The following GRIN2B variants were observed in gnomAD, a reference collection of about 807,000 sequenced individuals.
The protein encoded by GRIN2B is glutamate ionotropic receptor NMDA type subunit 2B.
In GRIN2B, 5 loss-of-function variants were observed where a neutral mutation model predicts 114.5. The ratio of observed to expected loss-of-function variants is 0.04; its 90% CI spans 0.02 to 0.09. GRIN2B has a LOEUF of 0.09. GRIN2B is among the 10% of genes least tolerant of loss of function. GRIN2B has a pLI of 1.00. For missense variants in GRIN2B, 1,108 were observed against 1,943.5 expected, an observed-to-expected ratio of 0.57 and a Z score of 8.08; for synonymous variants, 787 against 745.1, an observed-to-expected ratio of 1.06 and a Z score of -0.92.
intron 3 of GRIN2B, among the ~76,000 whole-genome samples, chr12:13,791,714 A>G (rs1201434861): frequency 6.6e-6 from 1 of 152,218 alleles, no homozygotes; most frequent in African/African-American, 2.4e-5. Flanking sequence ...TTATATGTAC[A>G]TATTTTAAGG....
At position 13,553,809 on chromosome 12, in the gene GRIN2B, CA is replaced by C. The variant is rs1405063331; in HGVS notation, c.*8973del. Reference sequence around the variant, plus strand: ...GAAAAGCTGATACCTAAAATTTGATCAATATCCTTCATAGTTTCTCCCTCTG... The same window carrying C: ...GAAAAGCTGATACCTAAAATTTGATCATATCCTTCATAGTTTCTCCCTCTG... On this transcript the variant is annotated 3_prime_UTR_variant, in exon 14 of 14. Transcript: ENST00000609686. 6.6e-6 allele frequency: 1 copy of C among 152,214 alleles called. No individual in the cohort carries two copies. The highest frequency in any genetic ancestry group is 1.5e-5 in the Non-Finnish European group (1 of 68,030). 9.4% of individuals were successfully genotyped at this position (152,214 alleles called of 1,614,324 possible).
chr12:13,679,815 G>A (rs1022467013), intron 4 of GRIN2B, among the ~76,000 whole-genome samples: 3 of 152,132 alleles, frequency 2.0e-5, no homozygotes, highest in African/African-American at 7.2e-5. Flanking sequence ...GTCACTTCTA[G>A]ACATGTGATC....
In GRIN2B at chr12:13,547,981, A is replaced by ATATATATATATATATATTTTTT; in HGVS notation, c.*14801_*14802insAAAAAATATATATATATATATA. 1.5e-5 allele frequency: 1 copy of ATATATATATATATATATTTTTT among 68,592 alleles called. No homozygotes were observed. The highest frequency in any genetic ancestry group is 4.6e-5 in the African/African-American group (1 of 21,782). 4.2% of individuals were successfully genotyped at this position (68,592 alleles called of 1,614,324 possible). A position where few individuals can be genotyped will look rare whatever the true frequency, so the allele number is the denominator to read the frequency against. On this transcript the variant is annotated 3_prime_UTR_variant, in exon 14 of 14. Coordinates refer to ENST00000609686, the MANE Select transcript of GRIN2B (RefSeq NM_000834.5). Reference sequence around the variant, plus strand: ...TGTGTATATATATATATATATATATATTTTTTTTTTTTTTCTGAAAGCTAC... The same window carrying ATATATATATATATATATTTTTT: ...TGTGTATATATATATATATATATATATATATATATATATATATTTTTTTTTTTTTTTTTTTTCTGAAAGCTAC...
chr12:13,638,193 G>T (rs541181975), intron 5 of GRIN2B, among the ~76,000 whole-genome samples: 1 of 152,060 alleles, frequency 6.6e-6, no homozygotes, highest in Non-Finnish European at 1.5e-5. Context: ...AATGGTTTAA[G>T]TACACAAGAG....
chr12:13,766,091 GTTC>G (rs1200239026), intron 3 of GRIN2B, among the ~76,000 whole-genome samples: 2 of 152,148 alleles, frequency 1.3e-5, no homozygotes, highest in African/African-American at 4.8e-5. Context: ...ACTCTGCAGT[GTTC>G]TTCTACTGGA....
At chr12:13,771,482 A>AT (rs1224875917) in intron 3 of GRIN2B, among the ~76,000 whole-genome samples, 2 of 152,188 alleles carry the variant, frequency 1.3e-5, no homozygotes, top group Non-Finnish European at 2.9e-5. Flanking sequence ...TATTGCTGCT[A>AT]TAAAAAAAAA....
Position 13,547,981 on chromosome 12 carries a change from A to ATATATATTTTTTTTTTTTTTT in GRIN2B, c.*14801_*14802insAAAAAAAAAAAAAAATATATA. Reference sequence around the variant, plus strand: ...TGTGTATATATATATATATATATATATTTTTTTTTTTTTTCTGAAAGCTAC... The same window carrying ATATATATTTTTTTTTTTTTTT: ...TGTGTATATATATATATATATATATATATATATTTTTTTTTTTTTTTTTTTTTTTTTTTTTCTGAAAGCTAC... On this transcript the variant is annotated 3_prime_UTR_variant, in exon 14 of 14. Coordinates refer to ENST00000609686, the MANE Select transcript of GRIN2B (RefSeq NM_000834.5). 1.5e-5 allele frequency: 1 copy of ATATATATTTTTTTTTTTTTTT among 68,594 alleles called. No homozygotes were observed. Among genetic ancestry groups the ATATATATTTTTTTTTTTTTTT allele is most frequent in the Non-Finnish European group, 2.9e-5 (1 of 34,400 alleles). The allele number at this position is 68,594 out of a possible 1,614,324, so 4.2% of individuals were successfully genotyped here. A position where few individuals can be genotyped will look rare whatever the true frequency, so the allele number is the denominator to read the frequency against.
chr12:13,978,500 TACTG>T (rs1863070061), intron 2 of GRIN2B, among the ~76,000 whole-genome samples: 1 of 152,248 alleles, frequency 6.6e-6, no homozygotes, highest in South Asian at 2.1e-4. Flanking sequence ...AACTATCATC[TACTG>T]TCATGTTGAG....
In GRIN2B at chr12:13,558,645, C is replaced by T. The variant is rs936035753; in HGVS notation, c.*4138G>A. 4 of 152,192 alleles carry T rather than the reference C, an allele frequency of 2.6e-5. No homozygotes were observed. Among genetic ancestry groups the T allele is most frequent in the Non-Finnish European group, 4.4e-5 (3 of 68,028 alleles). The allele number at this position is 152,192 out of a possible 1,614,324, so 9.4% of individuals were successfully genotyped here. ...CTCCTACTGTATCATGTCATACATG[C>T]GTTTTTGGCACTACTGACACCAGCA... On this transcript the variant is annotated 3_prime_UTR_variant, in exon 14 of 14. Coordinates refer to ENST00000609686, the MANE Select transcript of GRIN2B (RefSeq NM_000834.5).
chr12:13,665,175 G>A (rs920945320), intron 5 of GRIN2B, among the ~76,000 whole-genome samples: 12 of 151,250 alleles, frequency 7.9e-5, no homozygotes, highest in African/African-American at 2.7e-4. Flanking sequence ...GTTTGTGTGT[G>A]TGTGTGTGTG....
At chr12:13,746,167 C>T (rs1002904891) in intron 4 of GRIN2B, among the ~76,000 whole-genome samples, 2 of 152,066 alleles carry the variant, frequency 1.3e-5, no homozygotes, top group Admixed American at 1.3e-4. Context: ...CAGGGAATGT[C>T]TCTCGAGGAC....
At chr12:13,777,947 G>A (rs1183726627) in intron 3 of GRIN2B, among the ~76,000 whole-genome samples, 1 of 152,068 alleles carries the variant, frequency 6.6e-6, no homozygotes, top group Non-Finnish European at 1.5e-5. Context: ...GTCTGCTATG[G>A]TTCTACCTAA....
chr12:13,842,427 C>T (rs894184745), intron 3 of GRIN2B, among the ~76,000 whole-genome samples: 3 of 152,168 alleles, frequency 2.0e-5, no homozygotes, highest in African/African-American at 4.8e-5. Context: ...TTTTCATGAT[C>T]GTCCCCCAGA....
chr12:13,908,550 G>C (rs1866581237), intron 2 of GRIN2B, among the ~76,000 whole-genome samples: 1 of 152,206 alleles, frequency 6.6e-6, no homozygotes, highest in Non-Finnish European at 1.5e-5. Flanking sequence ...CAGGAAGCCT[G>C]ATCTCAGAGC....
chr12:13,817,034 T>G (rs903105908), intron 3 of GRIN2B, among the ~76,000 whole-genome samples: 3 of 152,134 alleles, frequency 2.0e-5, no homozygotes, highest in Non-Finnish European at 4.4e-5. Context: ...AATTAACTGT[T>G]AGAGCCAAGG....
intron 2 of GRIN2B, among the ~76,000 whole-genome samples, chr12:13,946,031 C>T (rs955865207): frequency 3.3e-5 from 5 of 152,026 alleles, no homozygotes; most frequent in African/African-American, 1.2e-4. Flanking sequence ...GTTAGACAAC[C>T]CCATGGAGAG....
rs1948320758 is a variant in GRIN2B, at chr12:13,544,544, T to C, written c.*18239A>G. Reference sequence around the variant, plus strand: ...TATATCTAATTGCCTAATCATCATTTCTACTTGCAACATCTGTAGACACCT... The same window carrying C: ...TATATCTAATTGCCTAATCATCATTCCTACTTGCAACATCTGTAGACACCT... On this transcript the variant is annotated 3_prime_UTR_variant, in exon 14 of 14. Transcript: ENST00000609686. The C allele has an allele frequency of 6.6e-6, 1 of 152,204 alleles. No homozygotes were observed. The highest frequency in any genetic ancestry group is 1.5e-5 in the Non-Finnish European group (1 of 68,052). The allele number at this position is 152,204 out of a possible 1,614,324, so 9.4% of individuals were successfully genotyped here. A position where few individuals can be genotyped will look rare whatever the true frequency, so the allele number is the denominator to read the frequency against.
intron 3 of GRIN2B, among the ~76,000 whole-genome samples, chr12:13,824,256 C>T (rs1431062681): frequency 6.6e-6 from 1 of 152,104 alleles, no homozygotes; most frequent in Non-Finnish European, 1.5e-5. Context: ...TTGGGCTTGG[C>T]ATTATCTTTA....
chr12:13,703,875 T>C (rs909816329), intron 4 of GRIN2B, among the ~76,000 whole-genome samples: 8 of 152,192 alleles, frequency 5.3e-5, no homozygotes, highest in Admixed American at 2.6e-4. Flanking sequence ...TCTCACATAG[T>C]CACTTTCACT....
Sources: allele counts gnomAD v4.1 joint callset (sites outside exome capture counted in the v4.1 genomes callset), GRCh38; gene constraint gnomAD v4.1.1; transcripts MANE v1.5; gene names NCBI Gene and HGNC (gene_info 2026-07-23, HGNC 2026-07-21).